The following GALNT13 variants were observed in gnomAD, a reference collection of about 807,000 sequenced individuals.
The protein encoded by GALNT13 is polypeptide N-acetylgalactosaminyltransferase 13.
GALNT13 carries 28 observed loss-of-function variants against 64.2 expected under a neutral mutation model. The ratio of observed to expected loss-of-function variants is 0.44; its 90% CI spans 0.32 to 0.60. GALNT13 has a LOEUF of 0.60. Ranked by LOEUF, GALNT13 falls within the 20% of genes least tolerant of loss-of-function variation. The pLI is 0.05. For synonymous variants in GALNT13, 214 were observed against 224.6 expected (o/e 0.95, Z 0.42); for missense variants, 577 against 669.8 (o/e 0.86, Z 1.53).
intron 8 of GALNT13, among the ~76,000 whole-genome samples, chr2:154,288,824 G>C (rs1692431302): frequency 6.6e-6 from 1 of 152,224 alleles, no homozygotes; most frequent in South Asian, 2.1e-4. Flanking sequence ...TGCTTTCACA[G>C]GCTGGCACGG....
chr2:153,490,890 C>T, the GALNT13 span, among the ~76,000 whole-genome samples: 7 of 150,750 alleles, frequency 4.6e-5, no homozygotes, highest in Admixed American at 2.6e-4. Context: ...AACTCAGGAC[C>T]CAGAGGTTGC....
intron 9 of GALNT13, among the ~76,000 whole-genome samples, chr2:154,350,714 T>C (rs1159191305): frequency 6.6e-6 from 1 of 152,186 alleles, no homozygotes; most frequent in Non-Finnish European, 1.5e-5. Flanking sequence ...TGCAAATGAA[T>C]ATGCTAGTTT....
chr2:154,370,778 T>C (rs1697640146), intron 9 of GALNT13, among the ~76,000 whole-genome samples: 2 of 152,146 alleles, frequency 1.3e-5, no homozygotes, highest in African/African-American at 4.8e-5. Flanking sequence ...GAGTTATAGA[T>C]AATATTTAAA....
At chr2:153,536,884 T>C in the GALNT13 span, among the ~76,000 whole-genome samples, 1 of 152,242 alleles carries the variant, frequency 6.6e-6, no homozygotes, top group African/African-American at 2.4e-5. Context: ...TAGAAATGTG[T>C]AATTAAAATA....
the GALNT13 span, among the ~76,000 whole-genome samples, chr2:153,555,437 G>A: frequency 9.6e-6 from 1 of 104,462 alleles, no homozygotes; most frequent in Non-Finnish European, 2.0e-5. Flanking sequence ...CTCGTGATCC[G>A]CCCGCCTCGG....
At chr2:153,935,669 T>C (rs1450521317) in intron 2 of GALNT13, among the ~76,000 whole-genome samples, 1 of 152,234 alleles carries the variant, frequency 6.6e-6, no homozygotes, top group Non-Finnish European at 1.5e-5. Flanking sequence ...CATGAGTTTT[T>C]CTGTTTCATA....
chr2:153,172,441 T>A, the GALNT13 span, among the ~76,000 whole-genome samples: 4 of 152,120 alleles, frequency 2.6e-5, no homozygotes, highest in Admixed American at 2.6e-4. Flanking sequence ...ATTAAAGGAC[T>A]TTTGGACAGA....
At chr2:153,710,141 C>T in the GALNT13 span, among the ~76,000 whole-genome samples, 1 of 152,010 alleles carries the variant, frequency 6.6e-6, no homozygotes, top group Non-Finnish European at 1.5e-5. Flanking sequence ...ATGCTGTCAC[C>T]ACAACAGATG....
At chr2:153,106,033 G>C in the GALNT13 span, among the ~76,000 whole-genome samples, 7 of 152,130 alleles carry the variant, frequency 4.6e-5, no homozygotes, top group Non-Finnish European at 8.8e-5. Context: ...AGAGGGCACT[G>C]TCTTTTCTGT....
chr2:153,490,615 A>T, the GALNT13 span, among the ~76,000 whole-genome samples: 1 of 152,066 alleles, frequency 6.6e-6, no homozygotes, highest in South Asian at 2.1e-4. Flanking sequence ...CTCAACCTCA[A>T]CCTTCAAGGA....
chr2:153,655,559 A>C, the GALNT13 span, among the ~76,000 whole-genome samples: 2 of 152,120 alleles, frequency 1.3e-5, no homozygotes, highest in East Asian at 3.8e-4. Context: ...TGGGTTTGAA[A>C]ACTCTTATCC....
At chr2:153,445,870 C>CT in the GALNT13 span, among the ~76,000 whole-genome samples, 1 of 152,080 alleles carries the variant, frequency 6.6e-6, no homozygotes, top group African/African-American at 2.4e-5. Flanking sequence ...TCATCACTAT[C>CT]TTTTAACATT....
intron 9 of GALNT13, among the ~76,000 whole-genome samples, chr2:154,308,131 C>T (rs1574062774): frequency 2.0e-5 from 3 of 152,118 alleles, no homozygotes; most frequent in African/African-American, 7.2e-5. Context: ...CCAAAACATA[C>T]CTTAAAAGGT....
the GALNT13 span, among the ~76,000 whole-genome samples, chr2:153,285,020 C>T: frequency 1.4e-5 from 2 of 144,426 alleles, no homozygotes; most frequent in African/African-American, 2.7e-5. Flanking sequence ...ATGCCCAAGA[C>T]TGGGTAATTT....
At chr2:153,797,614 A>G in the GALNT13 span, among the ~76,000 whole-genome samples, 1 of 152,188 alleles carries the variant, frequency 6.6e-6, no homozygotes, top group South Asian at 2.1e-4. Flanking sequence ...GAACCCATCA[A>G]TTACATTTCT....
chr2:154,332,401 C>A (rs1695214456), intron 9 of GALNT13, among the ~76,000 whole-genome samples: 1 of 152,034 alleles, frequency 6.6e-6, no homozygotes, highest in Admixed American at 6.6e-5. Flanking sequence ...AAAATGGGAA[C>A]TGATTCTGCC....
chr2:154,216,803 T>TA (rs1491474162), intron 4 of GALNT13, among the ~76,000 whole-genome samples: 1 of 34,952 alleles, frequency 2.9e-5, no homozygotes, highest in Non-Finnish European at 5.9e-5. Context: ...TCTCTCTCTC[T>TA]TTTTTTTTTT....
At chr2:154,092,435 T>C (rs1701862445) in intron 3 of GALNT13, among the ~76,000 whole-genome samples, 1 of 152,064 alleles carries the variant, frequency 6.6e-6, no homozygotes, top group South Asian at 2.1e-4. Flanking sequence ...ATGCCTGTTA[T>C]AATATGGATC....
the GALNT13 span, among the ~76,000 whole-genome samples, chr2:153,595,455 A>G: frequency 6.6e-6 from 1 of 151,956 alleles, no homozygotes; most frequent in African/African-American, 2.4e-5. Flanking sequence ...TATATAAAAA[A>G]CTCAGATATA....
Sources: allele counts gnomAD v4.1 joint callset (sites outside exome capture counted in the v4.1 genomes callset), GRCh38; gene constraint gnomAD v4.1.1; transcripts MANE v1.5; gene names NCBI Gene and HGNC (gene_info 2026-07-23, HGNC 2026-07-21).